CTNNA3: variants seen among roughly 807,000 people sequenced by gnomAD.
CTNNA3 encodes catenin alpha-3.
Under a neutral mutation model 95.7 loss-of-function variants are expected in CTNNA3, and 76 were observed. The observed-to-expected ratio is 0.79, with a 90% confidence interval of 0.66 to 0.96. CTNNA3 has a LOEUF of 0.96. Among genes scored for constraint, CTNNA3 ranks in the 40% least tolerant of loss-of-function variants. The probability of loss-of-function intolerance (pLI) is 0.00; values close to 1 mark genes in which losing one functional copy is unlikely to be tolerated. For missense variants in CTNNA3, 1,191 were observed against 1,089.8 expected, an observed-to-expected ratio of 1.09 and a Z score of -1.31; for synonymous variants, 431 against 374.4, an observed-to-expected ratio of 1.15 and a Z score of -1.74.
chr10:66,891,704 C>T (rs1475655693), intron 7 of CTNNA3, among the ~76,000 whole-genome samples: 13 of 152,078 alleles, frequency 8.5e-5, no homozygotes, highest in Admixed American at 7.9e-4. Context: ...AAGTTGGAAA[C>T]GAGAGAATGA....
chr10:67,614,495 T>TA (rs1843584471), intron 2 of CTNNA3, among the ~76,000 whole-genome samples: 1 of 152,158 alleles, frequency 6.6e-6, no homozygotes, highest in Non-Finnish European at 1.5e-5. Flanking sequence ...CATCAGGCAT[T>TA]AGATTCTCAT....
At chr10:67,651,078 C>T (rs566802719) in intron 1 of CTNNA3, among the ~76,000 whole-genome samples, 2 of 151,902 alleles carry the variant, frequency 1.3e-5, no homozygotes, top group South Asian at 4.2e-4. Context: ...GAAACCTAAC[C>T]ATCTGTAATG....
chr10:66,008,258 A>C (rs1459046166), intron 15 of CTNNA3, among the ~76,000 whole-genome samples: 1 of 152,240 alleles, frequency 6.6e-6, no homozygotes, highest in East Asian at 1.9e-4. Flanking sequence ...TCTGAATATA[A>C]TTCAAATCCT....
At chr10:66,222,620 G>A (rs1403731875) in intron 13 of CTNNA3, among the ~76,000 whole-genome samples, 2 of 50,452 alleles carry the variant, frequency 4.0e-5, no homozygotes, top group African/African-American at 1.1e-4. Context: ...AAGAAAGAAA[G>A]AAAAAGAAAG....
chr10:66,374,657 C>T (rs1337053486), intron 12 of CTNNA3, among the ~76,000 whole-genome samples: 3 of 143,958 alleles, frequency 2.1e-5, no homozygotes, highest in Non-Finnish European at 4.5e-5. Context: ...CTCTGTCACC[C>T]CTGCTGGAGT....
intron 5 of CTNNA3, among the ~76,000 whole-genome samples, chr10:67,235,254 C>G (rs1288257456): frequency 6.6e-6 from 1 of 150,634 alleles, no homozygotes. Flanking sequence ...CACTACCTGA[C>G]TTCAAACTAT....
intron 5 of CTNNA3, among the ~76,000 whole-genome samples, chr10:67,406,236 A>T (rs1211524597): frequency 2.0e-5 from 3 of 152,180 alleles, no homozygotes; most frequent in African/African-American, 7.2e-5. Context: ...TTCTCTACAA[A>T]TTACCCAGCC....
At chr10:66,933,448 C>CATTGTGTTCAAT (rs1847520544) in intron 7 of CTNNA3, among the ~76,000 whole-genome samples, 1 of 152,212 alleles carries the variant, frequency 6.6e-6, no homozygotes, top group African/African-American at 2.4e-5. Context: ...CCTGTCCACT[C>CATTGTGTTCAAT]CCTTTCTAGT....
intron 5 of CTNNA3, among the ~76,000 whole-genome samples, chr10:67,320,790 G>T (rs1841285141): frequency 6.6e-6 from 1 of 152,106 alleles, no homozygotes; most frequent in African/African-American, 2.4e-5. Flanking sequence ...GTAAGTCTGG[G>T]CATATTACAG....
At chr10:66,675,794 T>C (rs1846832329) in intron 9 of CTNNA3, among the ~76,000 whole-genome samples, 1 of 152,140 alleles carries the variant, frequency 6.6e-6, no homozygotes, top group Non-Finnish European at 1.5e-5. Flanking sequence ...TTTGCCTTCT[T>C]AATTATATTA....
chr10:66,301,656 C>T (rs938991283), intron 12 of CTNNA3, among the ~76,000 whole-genome samples: 1 of 151,898 alleles, frequency 6.6e-6, no homozygotes, highest in East Asian at 1.9e-4. Flanking sequence ...AAGCATTTGA[C>T]AAAATCCTAC....
chr10:66,619,001 C>G (rs1844638635), intron 10 of CTNNA3, among the ~76,000 whole-genome samples: 1 of 152,084 alleles, frequency 6.6e-6, no homozygotes, highest in African/African-American at 2.4e-5. Context: ...CAAATAAAAA[C>G]CACAATGAGA....
Position 66,927,992 on chromosome 10 carries a change from G to GC in CTNNA3, c.1048-152469dup. On this transcript the variant is annotated intron_variant, in intron 7 of 17. Transcript: ENST00000433211. This position sits in a 1 kb window ranked among gnomAD's most constrained non-coding sequence, Gnocchi z 4.7. The stretch of plus-strand genomic sequence containing the variant: ...GTGATCGATGCAGTGAAGAACTACA[G>GC]CATCTGTGGCAAAAGTACTACAGAG... 1 of 1,614,216 alleles carries GC rather than the reference G, an allele frequency of 6.2e-7. No individual in the cohort carries two copies. Among genetic ancestry groups the GC allele is most frequent in the Non-Finnish European group, 8.5e-7 (1 of 1,180,048 alleles).
chr10:66,198,277 T>C (rs560212268), intron 13 of CTNNA3, among the ~76,000 whole-genome samples: 1 of 152,294 alleles, frequency 6.6e-6, no homozygotes, highest in South Asian at 2.1e-4. Flanking sequence ...CAAAGCGTTT[T>C]TAATGAGATC....
chr10:67,349,018 C>T (rs1467826081), intron 5 of CTNNA3, among the ~76,000 whole-genome samples: 1 of 152,132 alleles, frequency 6.6e-6, no homozygotes, highest in Admixed American at 6.5e-5. Context: ...TATCATCTCA[C>T]ACCTGTTAGA....
intron 13 of CTNNA3, among the ~76,000 whole-genome samples, chr10:66,239,862 G>C (rs1443218140): frequency 1.3e-5 from 2 of 151,682 alleles, no homozygotes; most frequent in Admixed American, 1.3e-4. Flanking sequence ...TGCCCAATGT[G>C]TTTAGTTTAA....
chr10:67,726,395 T>TAATATA, intron 1 of CTNNA3, among the ~76,000 whole-genome samples: 4 of 67,744 alleles, frequency 5.9e-5, no homozygotes, highest in Non-Finnish European at 9.0e-5. Flanking sequence ...ATTATATATA[T>TAATATA]TATATATTAT....
At chr10:66,380,954 G>A (rs529321549) in intron 11 of CTNNA3, among the ~76,000 whole-genome samples, 59 of 151,688 alleles carry the variant, frequency 3.9e-4, no homozygotes, top group Non-Finnish European at 7.9e-4. Context: ...AATAATAATG[G>A]GAGACTTTAA....
At chr10:66,828,954 T>G (rs928603898) in intron 7 of CTNNA3, among the ~76,000 whole-genome samples, 1 of 152,196 alleles carries the variant, frequency 6.6e-6, no homozygotes, top group Non-Finnish European at 1.5e-5. Flanking sequence ...TGAAGAGGCA[T>G]GTAATGCAAT....
Sources: allele counts gnomAD v4.1 joint callset (sites outside exome capture counted in the v4.1 genomes callset), GRCh38; gene constraint gnomAD v4.1.1; non-coding constraint Gnocchi (gnomAD v3.1); transcripts MANE v1.5; gene names NCBI Gene and HGNC (gene_info 2026-07-23, HGNC 2026-07-21).